Variants in UGT1A5 observed in about 807,000 individuals in gnomAD.
UGT1A5 encodes UDP-glucuronosyltransferase 1A5.
UGT1A5 carries 29 observed loss-of-function variants against 40.3 expected under a neutral mutation model. The observed-to-expected ratio is 0.72, with a 90% CI of 0.54 to 0.98. The LOEUF (loss-of-function observed/expected upper bound fraction) is 0.98, where lower values mean the gene tolerates loss of function less well. Among genes scored for constraint, UGT1A5 ranks in the 50% least tolerant of loss-of-function variants. UGT1A5 has a pLI of 0.00. For missense variants in UGT1A5, 678 were observed against 677.9 expected (o/e 1.00, Z 0.00); for synonymous variants, 257 against 262.5 (o/e 0.98, Z 0.20).
intron 1 of UGT1A5, among the ~76,000 whole-genome samples, chr2:233,765,889 C>T (rs1032509940): frequency 6.6e-6 from 1 of 152,020 alleles, no homozygotes; most frequent in Admixed American, 6.5e-5. Context: ...TTTCTCAGTG[C>T]GCCACTGCTC....
intron 1 of UGT1A5, among the ~76,000 whole-genome samples, chr2:233,736,696 G>T (rs2078794869): frequency 6.6e-6 from 1 of 152,182 alleles, no homozygotes. Flanking sequence ...TACAGATGGG[G>T]TTTTGGTGTA....
intron 1 of UGT1A5, among the ~76,000 whole-genome samples, chr2:233,714,816 G>C: frequency 6.6e-6 from 1 of 152,208 alleles, no homozygotes; most frequent in Non-Finnish European, 1.5e-5. Context: ...TATGTAGTTA[G>C]TGACAACAAT....
In UGT1A5 at chr2:233,713,576, T is replaced by C; in HGVS notation, c.585T>C (p.Pro195=). ...GTCCAAACCCTTCCTCCTATATTCC[T>C]AGATTACTAACGACCAATTCAGACC... ...TQCPNPSSYI[P]RLLTTNSDHM... The change falls in exon 1 of 5, where the codon CCT becomes CCC. Residue 195 remains proline, a synonymous_variant. Coordinates refer to ENST00000373414, the MANE Select transcript of UGT1A5 (RefSeq NM_019078.2). 1 of 1,613,998 alleles carries C rather than the reference T, an allele frequency of 6.2e-7. No homozygotes were observed. Among genetic ancestry groups the C allele is most frequent in the African/African-American group, 1.3e-5 (1 of 75,048 alleles).
At chr2:233,729,409 G>C (rs1264400033) in intron 1 of UGT1A5, 1 of 1,613,762 alleles carries the variant, frequency 6.2e-7, no homozygotes, top group South Asian at 1.1e-5. Context: ...CCATGTGCTG[G>C]GCCACACTCA....
At chr2:233,757,845 T>C (rs1338801014) in intron 1 of UGT1A5, among the ~76,000 whole-genome samples, 1 of 151,974 alleles carries the variant, frequency 6.6e-6, no homozygotes, top group Non-Finnish European at 1.5e-5. Context: ...TACTAACTTA[T>C]GTCTTCAGCT....
chr2:233,760,196 A>G, intron 1 of UGT1A5: 1 of 1,576,328 alleles, frequency 6.3e-7, no homozygotes, highest in Middle Eastern at 2.3e-4. Flanking sequence ...CACGTGACAC[A>G]GTCAAACATT....
chr2:233,770,389 C>T (rs1188448895), intron 4 of UGT1A5: 4 of 152,212 alleles, frequency 2.6e-5, no homozygotes, highest in African/African-American at 4.8e-5. Flanking sequence ...TACGGTGGCT[C>T]ATGCCTGTAG....
chr2:233,772,778 T>C lies in UGT1A5; in HGVS notation c.*219T>C. The C allele has an allele frequency of 5.4e-6, 7 of 1,295,644 alleles. No individual in the cohort carries two copies. The highest frequency in any genetic ancestry group is 7.1e-6 in the Non-Finnish European group (7 of 982,368). The allele number at this position is 1,295,644 out of a possible 1,614,324, so 80.3% of individuals were successfully genotyped here. On this transcript the variant is annotated 3_prime_UTR_variant, in exon 5 of 5. Coordinates refer to ENST00000373414, the MANE Select transcript of UGT1A5 (RefSeq NM_019078.2). Reference sequence around the variant, plus strand: ...ATGTATCGTGCCCCCTCTGGTGTCTTTGATCAGGATGACATGTGCCATTTT... The same window carrying C: ...ATGTATCGTGCCCCCTCTGGTGTCTCTGATCAGGATGACATGTGCCATTTT...
chr2:233,766,614 C>T (rs1699203096), intron 1 of UGT1A5, among the ~76,000 whole-genome samples: 1 of 152,184 alleles, frequency 6.6e-6, no homozygotes, highest in Non-Finnish European at 1.5e-5. Context: ...CCCTCTTCTA[C>T]CCAGCACTTC....
In UGT1A5 at chr2:233,768,069, G is replaced by T. The variant is rs191770279; in HGVS notation, c.1087+133G>T. ...CATATCCTACATTGCTTTTTATCTAGTGGGGTATCTCAACCCACATTTTCT... is the reference window on the plus strand; with the variant it reads ...CATATCCTACATTGCTTTTTATCTATTGGGGTATCTCAACCCACATTTTCT... On this transcript the variant is annotated intron_variant, in intron 3 of 4. Transcript: ENST00000373414. The T allele has an allele frequency of 3.1e-6, 5 of 1,596,368 alleles. No homozygotes were observed. In the East Asian group the frequency reaches 1.1e-4, roughly 36 times the overall value.
chr2:233,724,355 C>T (rs1465005246), intron 1 of UGT1A5, among the ~76,000 whole-genome samples: 1 of 148,690 alleles, frequency 6.7e-6, no homozygotes, highest in Admixed American at 6.7e-5. Flanking sequence ...CCCCACCTCC[C>T]TCCCGGACGG....
chr2:233,727,408 C>T (rs1347746935), intron 1 of UGT1A5, among the ~76,000 whole-genome samples: 2 of 152,116 alleles, frequency 1.3e-5, no homozygotes, highest in Non-Finnish European at 2.9e-5. Flanking sequence ...ACATGGGCCT[C>T]CTCAGGGTCT....
Position 233,713,194 on chromosome 2 carries a change from A to T in UGT1A5, c.203A>T (p.Tyr68Phe). The T allele has an allele frequency of 6.2e-7, 1 of 1,614,210 alleles. No individual in the cohort carries two copies. Residue 68 changes from tyrosine to phenylalanine, a missense_variant, in exon 1 of 5, where the codon TAC (tyrosine) becomes TTC (phenylalanine). Tyr to Phe is a conservative substitution (Grantham distance 22). Coordinates refer to ENST00000373414, the MANE Select transcript of UGT1A5 (RefSeq NM_019078.2). ...VVVLTLEVNM[Y>F]IKEENFFTLT... ...GTCCTCACCCTGGAGGTGAATATGT[A>T]CATCAAAGAAGAGAACTTTTTCACC... is the stretch of plus-strand genomic sequence containing the variant.
At chr2:233,719,782 T>C in intron 1 of UGT1A5, 1 of 1,610,592 alleles carries the variant, frequency 6.2e-7, no homozygotes. Flanking sequence ...TACTTATCTT[T>C]CCAAAGATTT....
chr2:233,763,832 A>C (rs1698407491), intron 1 of UGT1A5, among the ~76,000 whole-genome samples: 2 of 152,232 alleles, frequency 1.3e-5, no homozygotes, highest in South Asian at 4.1e-4. Context: ...CTCCCCTGCC[A>C]GGGTAAGATA....
chr2:233,744,541 T>G (rs1692842272), intron 1 of UGT1A5, among the ~76,000 whole-genome samples: 1 of 151,942 alleles, frequency 6.6e-6, no homozygotes, highest in African/African-American at 2.4e-5. Flanking sequence ...TATGTAAATT[T>G]TATTAAGACA....
intron 1 of UGT1A5, chr2:233,718,807 T>A (rs2076687177): frequency 6.2e-7 from 1 of 1,613,200 alleles, no homozygotes; most frequent in African/African-American, 1.3e-5. Flanking sequence ...CAGCTGTCGG[T>A]GGCTTCTGCT....
At position 233,768,314 on chromosome 2, in the gene UGT1A5, G is replaced by T. The variant is rs1430980091; in HGVS notation, c.1182G>T (p.Leu394Phe). The T allele has an allele frequency of 6.2e-7, 1 of 1,614,062 alleles. No individual in the cohort carries two copies. The highest frequency in any genetic ancestry group is 8.5e-7 in the Non-Finnish European group (1 of 1,180,048). Residue 394 changes from leucine (L) to phenylalanine (F), a missense_variant, in exon 4 of 5, where the codon TTG becomes TTT. Leu to Phe is a conservative substitution (Grantham distance 22). Transcript: ENST00000373414. ...CNGVPMVMMP[L>F]FGDQMDNAKR... is the part of the protein sequence containing the mutation. ...GCGTTCCCATGGTGATGATGCCCTT[G>T]TTTGGTGATCAGATGGACAATGCAA...
intron 1 of UGT1A5, among the ~76,000 whole-genome samples, chr2:233,761,552 A>T (rs1697800499): frequency 6.6e-6 from 1 of 152,250 alleles, no homozygotes; most frequent in Admixed American, 6.5e-5. Context: ...TGATGATGAT[A>T]GATCCTGGAA....
Sources: allele counts gnomAD v4.1 joint callset (sites outside exome capture counted in the v4.1 genomes callset), GRCh38; gene constraint gnomAD v4.1.1; transcripts MANE v1.5; gene names NCBI Gene and HGNC (gene_info 2026-07-23, HGNC 2026-07-21).